TJP1: variants seen among roughly 807,000 people sequenced by gnomAD.
The protein encoded by TJP1 is tight junction protein ZO-1.
In TJP1, 43 loss-of-function variants were observed where a neutral mutation model predicts 194.2. That is an observed-to-expected ratio of 0.22 (90% confidence interval 0.17 to 0.29). The LOEUF (loss-of-function observed/expected upper bound fraction) is 0.29. TJP1 is among the 10% of genes least tolerant of loss of function. TJP1 has a pLI of 1.00. For synonymous variants in TJP1, 801 were observed against 779.0 expected, an observed-to-expected ratio of 1.03 and a Z score of -0.47; for missense variants, 1,971 against 2,185.7, an observed-to-expected ratio of 0.90 and a Z score of 1.96.
At chr15:29,714,280 CCA>C (rs890390665) in intron 23 of TJP1, among the ~76,000 whole-genome samples, 45 of 152,184 alleles carry the variant, frequency 3.0e-4, no homozygotes, top group African/African-American at 1.0e-3. Flanking sequence ...GCTCTGTCGC[CCA>C]GACTGGAGTG....
Position 29,953,952 on chromosome 15 carries a change from C to CCTGG in TJP1, c.306+2276_306+2279dup, listed in dbSNP as rs1238162024. Among the ~76,000 whole-genome samples, 4 of 152,306 alleles carry CCTGG rather than the reference C, an allele frequency of 2.6e-5. No individual in the cohort carries two copies. In the East Asian group the frequency reaches 5.8e-4, roughly 22 times the overall value. On this transcript the variant is annotated intron_variant, in intron 2 of 28. Coordinates refer to the TJP1 transcript ENST00000356107. ...ATTACACCAGAACATACAGCTCCTCCCTGGAATAAGCCTTCTGTGAACCTC... is the reference window on the plus strand; with the variant it reads ...ATTACACCAGAACATACAGCTCCTCCCTGGCTGGAATAAGCCTTCTGTGAACCTC...
intron 2 of TJP1, among the ~76,000 whole-genome samples, chr15:29,949,879 A>C (rs139643300): frequency 0.1 from 544 of 5,256 alleles, 1 homozygote; most frequent in Middle Eastern, 0.25. Flanking sequence ...CCACCTCCAC[A>C]ACCACCACCT....
chr15:29,856,736 G>A (rs1187296028), intron 2 of TJP1, among the ~76,000 whole-genome samples: 5 of 151,998 alleles, frequency 3.3e-5, no homozygotes, highest in African/African-American at 1.2e-4. Context: ...CACTTTGGGA[G>A]GCTGAGGCGG....
At position 29,708,627 on chromosome 15, in the gene TJP1, A is replaced by G; in HGVS notation, c.4782T>C (p.Ser1594=). 2 of 1,614,200 alleles carry G rather than the reference A, an allele frequency of 1.2e-6. No homozygotes were observed. Among genetic ancestry groups the G allele is most frequent in the South Asian group, 1.1e-5 (1 of 91,084 alleles). ...PEFDSGVETF[S]IHAEKPKYQI... The stretch of plus-strand genomic sequence containing the variant: ...GATATTTAGGCTTCTCTGCATGGAT[A>G]GAGAAAGTTTCAACTCCACTGTCAA... Residue 1594 remains serine, a synonymous_variant, in exon 25 of 28, where the codon TCT becomes TCC. Coordinates refer to ENST00000614355, the MANE Select transcript of TJP1 (RefSeq NM_001330239.4).
chr15:29,887,465 A>G (rs116608110), intron 2 of TJP1, among the ~76,000 whole-genome samples: 2,439 of 151,624 alleles, frequency 0.016, 63 homozygotes, highest in African/African-American at 0.056. Flanking sequence ...AAGCTTGACT[A>G]ATTTTTTGTA....
At chr15:29,713,625 A>G (rs2042376556) in intron 23 of TJP1, among the ~76,000 whole-genome samples, 1 of 152,232 alleles carries the variant, frequency 6.6e-6, no homozygotes, top group Admixed American at 6.5e-5. Flanking sequence ...GAAATGCAGG[A>G]CAGAATCCTA....
chr15:29,705,780 T>C, intron 25 of TJP1, 35 bp from the exon 26 acceptor site: 1 of 1,586,008 alleles, frequency 6.3e-7, no homozygotes, highest in Non-Finnish European at 8.7e-7. Flanking sequence ...AGTGAATTCC[T>C]AATAATACAC....
At chr15:29,860,521 C>G (rs1184360023) in intron 2 of TJP1, among the ~76,000 whole-genome samples, 1 of 152,172 alleles carries the variant, frequency 6.6e-6, no homozygotes, top group African/African-American at 2.4e-5. Context: ...TGGAATGATA[C>G]AATATGTGGC....
intron 2 of TJP1, among the ~76,000 whole-genome samples, chr15:29,918,987 G>A (rs2054273498): frequency 6.6e-6 from 1 of 152,122 alleles, no homozygotes; most frequent in Admixed American, 6.5e-5. Context: ...CAAGAGGCTT[G>A]CAAAGATGAA....
chr15:29,771,439 T>G (rs2046669088), intron 4 of TJP1, among the ~76,000 whole-genome samples: 2 of 152,150 alleles, frequency 1.3e-5, no homozygotes, highest in African/African-American at 4.8e-5. Flanking sequence ...TGTGGTCTGT[T>G]GTTGACCAAA....
chr15:29,855,364 C>T (rs926743411), intron 2 of TJP1, among the ~76,000 whole-genome samples: 2 of 151,954 alleles, frequency 1.3e-5, no homozygotes, highest in Non-Finnish European at 2.9e-5. Flanking sequence ...TCAAATAACT[C>T]CAAAGCACAA....
intron 16 of TJP1, 96 bp from the exon 17 acceptor site, chr15:29,727,087 T>C: frequency 9.1e-7 from 1 of 1,094,490 alleles, no homozygotes; most frequent in South Asian, 1.5e-5. Context: ...GCTACGCCTA[T>C]AATCCTAGCA....
At chr15:29,777,742 T>G (rs949766537) in intron 2 of TJP1, among the ~76,000 whole-genome samples, 1 of 152,076 alleles carries the variant, frequency 6.6e-6, no homozygotes, top group Non-Finnish European at 1.5e-5. Context: ...CAAACTAACT[T>G]CTAGAAAGTA....
intron 2 of TJP1, among the ~76,000 whole-genome samples, chr15:29,880,917 T>A (rs1412524759): frequency 2.0e-5 from 3 of 152,224 alleles, no homozygotes; most frequent in African/African-American, 7.2e-5. Flanking sequence ...AGTGCAAATA[T>A]CTCTTCAAGA....
intron 1 of TJP1, among the ~76,000 whole-genome samples, chr15:29,966,115 G>T (rs952127737): frequency 6.6e-6 from 1 of 152,172 alleles, no homozygotes; most frequent in African/African-American, 2.4e-5. Context: ...GAACCCCAAT[G>T]ATGGAAAATA....
intron 8 of TJP1, among the ~76,000 whole-genome samples, chr15:29,748,430 A>G (rs2044960027): frequency 6.6e-6 from 1 of 152,140 alleles, no homozygotes; most frequent in African/African-American, 2.4e-5. Flanking sequence ...ATGTTCTTTC[A>G]CAAGCAAATG....
intron 2 of TJP1, among the ~76,000 whole-genome samples, chr15:29,910,825 C>T (rs939460678): frequency 9.2e-5 from 14 of 152,104 alleles, no homozygotes; most frequent in African/African-American, 2.7e-4. Flanking sequence ...TCTGCATTGT[C>T]AATTATATGT....
intron 2 of TJP1, among the ~76,000 whole-genome samples, chr15:29,856,368 G>A (rs2051851293): frequency 1.3e-5 from 2 of 152,126 alleles, no homozygotes; most frequent in Admixed American, 1.3e-4. Context: ...ACCATATATT[G>A]CACTATTCCA....
At chr15:29,909,252 C>T (rs533770206) in intron 2 of TJP1, among the ~76,000 whole-genome samples, 6 of 147,168 alleles carry the variant, frequency 4.1e-5, no homozygotes, top group East Asian at 4.2e-4. Context: ...GCAGGAGAAT[C>T]GCTTGAACCC....
Sources: allele counts gnomAD v4.1 joint callset (sites outside exome capture counted in the v4.1 genomes callset), GRCh38; gene constraint gnomAD v4.1.1; transcripts MANE v1.5; gene names NCBI Gene and HGNC (gene_info 2026-07-23, HGNC 2026-07-21).